Variants in HAUS7 observed in about 807,000 individuals in gnomAD.
HAUS7 encodes the protein HAUS augmin-like complex subunit 7.
A neutral mutation model predicts 28.4 loss-of-function variants in HAUS7; 3 were observed. That is an observed-to-expected ratio of 0.11 (90% CI 0.05 to 0.27). The LOEUF (loss-of-function observed/expected upper bound fraction) is 0.27. Among genes scored for constraint, HAUS7 ranks in the 10% least tolerant of loss-of-function variants. The probability of loss-of-function intolerance (pLI) is 1.00; values close to 1 mark genes in which losing one functional copy is unlikely to be tolerated. For synonymous variants in HAUS7, 165 were observed against 132.1 expected (o/e 1.25, Z -1.71); for missense variants, 284 against 297.3 (o/e 0.96, Z 0.33).
upstream of HAUS7, among the ~76,000 whole-genome samples, chrX:153,475,250 G>A (rs1484175740): frequency 8.9e-6 from 1 of 112,170 alleles, no homozygotes; most frequent in African/African-American, 3.2e-5. Flanking sequence ...CCCGACCACG[G>A]CCCTGCTCCC....
At chrX:153,473,492 A>G (rs781984111), upstream of HAUS7, among the ~76,000 whole-genome samples, 8 of 113,284 alleles carry the variant, frequency 7.1e-5, no homozygotes, top group Non-Finnish European at 1.5e-4. Flanking sequence ...AGTGTCCTCC[A>G]TCACCCCCCA....
At chrX:153,479,758 C>G (rs2089586837) in intron 1 of HAUS7, among the ~76,000 whole-genome samples, 1 of 111,039 alleles carries the variant, frequency 9.0e-6, no homozygotes, top group Non-Finnish European at 1.9e-5. Context: ...TCTTATAGGC[C>G]AGTGGTTGTA....
At chrX:153,492,458 G>A (rs943855104) in intron 1 of HAUS7, among the ~76,000 whole-genome samples, 7 of 112,271 alleles carry the variant, frequency 6.2e-5, no homozygotes, top group Non-Finnish European at 1.3e-4. Context: ...CCCCGGGCCG[G>A]GCGTGCAGTT....
chrX:153,455,432 G>A (rs1417205977), intron 8 of HAUS7, 110 bp downstream of exon 8: 1 of 522,155 alleles, frequency 1.9e-6, no homozygotes, highest in Non-Finnish European at 3.2e-6. Context: ...CCTGCCCTGT[G>A]GTCCCTTGTC....
intron 9 of HAUS7, 77 bp from the exon 10 acceptor site, chrX:153,447,986 G>T (rs2089184340): frequency 1.3e-6 from 1 of 781,076 alleles, no homozygotes; most frequent in Non-Finnish European, 1.9e-6. Flanking sequence ...TCAGTGTGGC[G>T]ATTCCTCAGG....
intron 2 of HAUS7, among the ~76,000 whole-genome samples, chrX:153,467,055 C>G (rs1327949628): frequency 1.8e-5 from 2 of 111,601 alleles, no homozygotes; most frequent in African/African-American, 6.5e-5. Context: ...CCCCAGTTCC[C>G]CAAGTGCCCC....
intron 1 of HAUS7, chrX:153,480,754 CA>C: frequency 2.6e-6 from 2 of 754,982 alleles, no homozygotes; most frequent in Non-Finnish European, 3.1e-6. Flanking sequence ...AGGAAGGAGT[CA>C]CCCCCAGTGA....
chrX:153,473,642 A>G (rs2089543576), upstream of HAUS7, among the ~76,000 whole-genome samples: 1 of 113,050 alleles, frequency 8.8e-6, no homozygotes, highest in South Asian at 3.6e-4. Context: ...GATCACACCC[A>G]TGCGAGAAGC....
rs1049936138 is a variant in HAUS7, at chrX:153,456,178, A to T, written c.705+87T>A. ...ACATGTCAGGCCCGGTGCACAGGCAACCTCGCCTAAGCCTCACGTGCTGAG... is the reference window on the plus strand; with the variant it reads ...ACATGTCAGGCCCGGTGCACAGGCATCCTCGCCTAAGCCTCACGTGCTGAG... On this transcript the variant is annotated intron_variant, in intron 7 of 9. Coordinates refer to ENST00000370211, the MANE Select transcript of HAUS7 (RefSeq NM_001385482.1). 5.8e-4 allele frequency: 411 copies of T among 714,762 alleles called. 1 individual carries two copies. Among genetic ancestry groups the T allele is most frequent in the Non-Finnish European group, 3.5e-4 (158 of 456,634 alleles). The allele number at this position is 714,762 out of a possible 1,213,427, so 58.9% of individuals were successfully genotyped here.
intron 9 of HAUS7, 53 bp from the exon 10 acceptor site, chrX:153,447,962 C>T: frequency 2.0e-6 from 2 of 1,004,908 alleles, no homozygotes; most frequent in South Asian, 3.8e-5. Context: ...AAACTAGTTC[C>T]ACCATTGTGG....
chrX:153,452,315 C>T (rs782640625), intron 9 of HAUS7, among the ~76,000 whole-genome samples: 16 of 111,797 alleles, frequency 1.4e-4, no homozygotes, highest in Non-Finnish European at 3.0e-4. Flanking sequence ...TAACACAAAT[C>T]CACATGAAGA....
chrX:153,478,731 G>C (rs1311482750), intron 1 of HAUS7, among the ~76,000 whole-genome samples: 1 of 112,846 alleles, frequency 8.9e-6, no homozygotes, highest in African/African-American at 3.2e-5. Context: ...GCATACCCTC[G>C]CCGCCTGCAC....
rs781986502 is a variant in HAUS7, at chrX:153,462,634, C to T, written c.330G>A (p.Ala110=). ...CCTTGAGGAGCTCCTGGTCATCTGG[C>T]GCACACAGCATCAGCTCGTGGCCCA... The part of the protein sequence containing the change: ...TKLGHELMLC[A]PDDQELLKGC... Residue 110 remains alanine, a synonymous_variant, in exon 4 of 10, where the codon GCG becomes GCA. Transcript: ENST00000370211. 8.3e-6 allele frequency: 10 copies of T among 1,206,594 alleles called. No homozygotes were observed. The highest frequency in any genetic ancestry group is 1.8e-5 in the South Asian group (1 of 56,880).
chrX:153,457,086 G>A (rs781928629), intron 5 of HAUS7, 51 bp downstream of exon 5: 1 of 821,434 alleles, frequency 1.2e-6, no homozygotes, highest in South Asian at 2.0e-5. Context: ...CCAGAACTAG[G>A]ACCAAGAGAA....
intron 8 of HAUS7, chrX:153,454,878 A>G: frequency 9.7e-7 from 1 of 1,027,361 alleles, no homozygotes; most frequent in Non-Finnish European, 1.3e-6. Flanking sequence ...TGGCCTCACC[A>G]TCCCTGATCG....
rs145411567 is a variant in HAUS7 at position 153,485,378 on chromosome X, G to A, written c.-589+9996C>T. On this transcript the variant is annotated intron_variant, in intron 1 of 5. Transcript: ENST00000370210. ...CCCACTTTTCCCCTAGATTTTAGGCGTCACCCTCTGAGCTCTGTCAGGTGT... is the reference window on the plus strand; with the variant it reads ...CCCACTTTTCCCCTAGATTTTAGGCATCACCCTCTGAGCTCTGTCAGGTGT... Among the ~76,000 whole-genome samples the A allele has an allele frequency of 6.7e-3, 745 of 111,597 alleles. 10 individuals are homozygous for A. Among genetic ancestry groups the A allele is most frequent in the African/African-American group, 0.023 (698 of 30,744 alleles).
intron 1 of HAUS7, among the ~76,000 whole-genome samples, chrX:153,486,398 C>G (rs2089637803): frequency 8.9e-6 from 1 of 112,578 alleles, no homozygotes; most frequent in Non-Finnish European, 1.9e-5. Context: ...AGGGCTCCAG[C>G]CTGGAGCGAC....
At chrX:153,492,212 C>G (rs890955097) in intron 1 of HAUS7, among the ~76,000 whole-genome samples, 1 of 113,590 alleles carries the variant, frequency 8.8e-6, no homozygotes, top group Admixed American at 9.2e-5. Flanking sequence ...GCTGCCCGCC[C>G]GCCAGCTCTG....
intron 1 of HAUS7, among the ~76,000 whole-genome samples, chrX:153,469,485 G>A (rs2089493624): frequency 8.9e-6 from 1 of 111,822 alleles, no homozygotes; most frequent in African/African-American, 3.3e-5. Context: ...GCGCCACCAC[G>A]CCCGGACAAT....
Sources: allele counts gnomAD v4.1 joint callset (sites outside exome capture counted in the v4.1 genomes callset), GRCh38; gene constraint gnomAD v4.1.1; transcripts MANE v1.5; gene names NCBI Gene and HGNC (gene_info 2026-07-23, HGNC 2026-07-21).